The following RBBP4 variants were observed in gnomAD, a reference collection of about 807,000 sequenced individuals.
The protein encoded by RBBP4 is RB binding protein 4, chromatin remodeling factor.
Under a neutral mutation model 57.2 loss-of-function variants are expected in RBBP4, and 3 were observed. That is an observed-to-expected ratio of 0.05 (90% CI 0.02 to 0.14). RBBP4 has a LOEUF of 0.14. Among genes scored for constraint, RBBP4 ranks in the 10% least tolerant of loss-of-function variants. The pLI, the probability that RBBP4 is intolerant of heterozygous loss-of-function variation, is 1.00. For missense variants in RBBP4, 107 were observed against 520.6 expected, an observed-to-expected ratio of 0.21 and a Z score of 7.73; for synonymous variants, 151 against 171.5, an observed-to-expected ratio of 0.88 and a Z score of 0.93.
At chr1:32,656,603 C>T (rs1204454027) in intron 2 of RBBP4, among the ~76,000 whole-genome samples, 2 of 152,144 alleles carry the variant, frequency 1.3e-5, no homozygotes, top group Admixed American at 6.5e-5. Context: ...CCACCCTCTT[C>T]GGCCTCCCAA....
In RBBP4 at chr1:32,684,069, C is replaced by T. The variant is rs777952731; in HGVS notation, c.*4364C>T. 22 of 1,614,056 alleles carry T rather than the reference C, an allele frequency of 1.4e-5. No individual in the cohort carries two copies. Among genetic ancestry groups the T allele is most frequent in the South Asian group, 3.3e-5 (3 of 91,084 alleles). The stretch of plus-strand genomic sequence containing the variant: ...AGTGGGAGCATCAGCCTGTTCCAGG[C>T]TCTTGGGTAGTAGCATAGCCCTTTA... On this transcript the variant is annotated 3_prime_UTR_variant, in exon 12 of 12. Transcript: ENST00000373493.
At chr1:32,678,560 G>A (rs1394563392) in intron 11 of RBBP4, among the ~76,000 whole-genome samples, 2 of 106,170 alleles carry the variant, frequency 1.9e-5, no homozygotes, top group Admixed American at 1.2e-4. Flanking sequence ...CCTAAAGTAT[G>A]TGACAGCTTT....
chr1:32,664,993 T>C (rs1218222799), intron 3 of RBBP4, among the ~76,000 whole-genome samples: 1 of 152,090 alleles, frequency 6.6e-6, no homozygotes, highest in East Asian at 1.9e-4. Flanking sequence ...ATAATAATAA[T>C]GCAGACACAG....
At chr1:32,651,571 A>G in intron 1 of RBBP4, 4 of 1,065,224 alleles carry the variant, frequency 3.8e-6, no homozygotes, top group Admixed American at 3.7e-5. Flanking sequence ...TGCCTCCGAT[A>G]TCGGTTTCTC....
At position 32,669,567 on chromosome 1, in the gene RBBP4, A is replaced by G; in HGVS notation, c.966+4A>G. The G allele has an allele frequency of 6.3e-7, 1 of 1,591,656 alleles. No individual in the cohort carries two copies. On this transcript the variant is annotated splice_donor_region_variant and intron_variant, in intron 8 of 11. Transcript: ENST00000373493. The surrounding 1 kb of genome is among the most constrained non-coding windows in gnomAD (Gnocchi z 4.9). ...ACATAAGGATGAAATATTCCAGGTAAGAGAAACTAATGCTACTATTTTGTT... is the reference window on the plus strand; with the variant it reads ...ACATAAGGATGAAATATTCCAGGTAGGAGAAACTAATGCTACTATTTTGTT...
intron 3 of RBBP4, among the ~76,000 whole-genome samples, chr1:32,663,196 T>A (rs1648498602): frequency 6.6e-6 from 1 of 152,114 alleles, no homozygotes; most frequent in Non-Finnish European, 1.5e-5. Context: ...TCATACCTTC[T>A]GGTAAGATGG....
rs562311447 is a variant in RBBP4 at position 32,652,659 on chromosome 1, G to A, written c.164+598G>A. On this transcript the variant is annotated intron_variant, in intron 2 of 11. Transcript: ENST00000373493. The stretch of plus-strand genomic sequence containing the variant: ...AGATTCGAGCGATTCTCCTGCCTAA[G>A]CCCTCCCAAGTAGCTGGGATTACAG... Among the ~76,000 whole-genome samples, 14 of 152,156 alleles carry A rather than the reference G, an allele frequency of 9.2e-5. No homozygotes were observed. The South Asian group carries it at 1.9e-3, about 20-fold the overall frequency.
chr1:32,675,526 T>TTGG (rs1267488085), intron 11 of RBBP4, among the ~76,000 whole-genome samples: 1 of 151,100 alleles, frequency 6.6e-6, no homozygotes, highest in Non-Finnish European at 1.5e-5. Flanking sequence ...TCCCAGCACT[T>TTGG]TGGGAGGCCG....
chr1:32,672,134 C>T (rs371217228), intron 8 of RBBP4, among the ~76,000 whole-genome samples: 3 of 151,760 alleles, frequency 2.0e-5, no homozygotes, highest in Admixed American at 6.6e-5. Flanking sequence ...GGATTACAGG[C>T]GCCTGCCACC....
At chr1:32,657,739 A>C (rs1268478128) in intron 3 of RBBP4, 167 bp downstream of exon 3, 2 of 735,206 alleles carry the variant, frequency 2.7e-6, no homozygotes, top group Non-Finnish European at 4.1e-6. Flanking sequence ...GTATCAGAAG[A>C]AATACTTAAC....
At position 32,681,629 on chromosome 1, in the gene RBBP4, G is replaced by T; in HGVS notation, c.*1924G>T. On this transcript the variant is annotated 3_prime_UTR_variant, in exon 12 of 12. Transcript: ENST00000373493. The stretch of plus-strand genomic sequence containing the variant: ...TGCATTGAGATCAGTATCAACAGCA[G>T]ATGAAATAGAATCCAGCAAAGAGTT... 1 of 649,666 alleles carries T rather than the reference G, an allele frequency of 1.5e-6. No individual in the cohort carries two copies. The highest frequency in any genetic ancestry group is 2.7e-6 in the Non-Finnish European group (1 of 372,736). The allele number at this position is 649,666 out of a possible 1,614,324, so 40.2% of individuals were successfully genotyped here.
chr1:32,677,176 C>T (rs1295599426), intron 11 of RBBP4, among the ~76,000 whole-genome samples: 3 of 152,106 alleles, frequency 2.0e-5, no homozygotes, highest in Non-Finnish European at 4.4e-5. Context: ...TGAGTTTGTT[C>T]TACTGTGAGG....
rs894105945 is a variant in RBBP4, at chr1:32,669,616, C to T, written c.966+53C>T. The T allele has an allele frequency of 1.7e-5, 27 of 1,564,268 alleles. No individual in the cohort carries two copies. Among genetic ancestry groups the T allele is most frequent in the African/African-American group, 2.8e-5 (2 of 72,646 alleles). On this transcript the variant is annotated intron_variant, in intron 8 of 11. Transcript: ENST00000373493. The surrounding 1 kb of genome is among the most constrained non-coding windows in gnomAD (Gnocchi z 4.9). ...TTTGTTTTAAGAAAAACCTGCTGGG[C>T]GCGGTCGCTCACGCCTGTAATCCCA... is the stretch of plus-strand genomic sequence containing the variant.
Position 32,684,469 on chromosome 1 carries a change from T to C in RBBP4, c.*4764T>C. 6.3e-7 allele frequency: 1 copy of C among 1,583,820 alleles called. No individual in the cohort carries two copies. The highest frequency in any genetic ancestry group is 8.6e-7 in the Non-Finnish European group (1 of 1,162,970). ...TCTTACTTATAAAACACTTTTTTGTTCATTGTTTAATCTTGATAGCAGTAT... is the reference window on the plus strand; with the variant it reads ...TCTTACTTATAAAACACTTTTTTGTCCATTGTTTAATCTTGATAGCAGTAT... On this transcript the variant is annotated 3_prime_UTR_variant, in exon 12 of 12. Transcript: ENST00000373493.
At chr1:32,668,668 A>G (rs1411026249) in intron 4 of RBBP4, 71 bp from the exon 5 acceptor site, 3 of 1,277,188 alleles carry the variant, frequency 2.3e-6, no homozygotes, top group Non-Finnish European at 3.4e-6. Context: ...TCTTGACCAA[A>G]ATTCCATTAT....
At chr1:32,659,194 A>T (rs1648293643) in intron 3 of RBBP4, among the ~76,000 whole-genome samples, 1 of 150,216 alleles carries the variant, frequency 6.7e-6, no homozygotes, top group African/African-American at 2.4e-5. Context: ...GTATACACAC[A>T]CATATATGTG....
intron 8 of RBBP4, 69 bp from the exon 9 acceptor site, chr1:32,672,381 T>A (rs1178984934): frequency 1.6e-6 from 2 of 1,237,030 alleles, no homozygotes; most frequent in African/African-American, 1.5e-5. Context: ...AATTGTTAAA[T>A]ATTTTGTGAA....
rs773997312 is a variant in RBBP4 at position 32,668,729 on chromosome 1, C to G, written c.485-10C>G. The G allele has an allele frequency of 1.2e-6, 2 of 1,607,284 alleles. No individual in the cohort carries two copies. Among genetic ancestry groups the G allele is most frequent in the Non-Finnish European group, 1.7e-6 (2 of 1,175,392 alleles). ...GACTGGGTAGTCTTGATGTGTCTGT[C>G]ACTTTGCAGATCCTTCTGGAGAGTG... On this transcript the variant is annotated splice_polypyrimidine_tract_variant and intron_variant, in intron 4 of 11. Transcript: ENST00000373493.
At chr1:32,673,435 A>C in intron 11 of RBBP4, 1 of 265,208 alleles carries the variant, frequency 3.8e-6, no homozygotes, top group Non-Finnish European at 7.0e-6. Flanking sequence ...CCCTCCTTAA[A>C]TTTTCTCTTT....
Sources: allele counts gnomAD v4.1 joint callset (sites outside exome capture counted in the v4.1 genomes callset), GRCh38; gene constraint gnomAD v4.1.1; non-coding constraint Gnocchi (gnomAD v3.1); transcripts MANE v1.5; gene names NCBI Gene and HGNC (gene_info 2026-07-23, HGNC 2026-07-21).